MAGI1: variants seen among roughly 807,000 people sequenced by gnomAD.
MAGI1 encodes membrane-associated guanylate kinase, WW and PDZ domain-containing protein 1.
MAGI1 carries 58 observed loss-of-function variants against 139.9 expected under a neutral mutation model. That is an observed-to-expected ratio of 0.41 (90% CI 0.34 to 0.52). The LOEUF (loss-of-function observed/expected upper bound fraction) is 0.52. Ranked by LOEUF, MAGI1 falls within the 20% of genes least tolerant of loss-of-function variation. MAGI1 has a pLI of 0.12. For missense variants in MAGI1, 1,874 were observed against 1,901.6 expected, an observed-to-expected ratio of 0.99 and a Z score of 0.27; for synonymous variants, 812 against 737.9, an observed-to-expected ratio of 1.10 and a Z score of -1.63.
intron 18 of MAGI1, among the ~76,000 whole-genome samples, chr3:65,366,399 A>C (rs1941418806): frequency 6.6e-6 from 1 of 152,204 alleles, no homozygotes; most frequent in South Asian, 2.1e-4. Context: ...TTGTTAGGTG[A>C]ATCCCATTCA....
intron 2 of MAGI1, among the ~76,000 whole-genome samples, chr3:65,620,511 G>A (rs956970916): frequency 6.6e-6 from 1 of 152,174 alleles, no homozygotes; most frequent in Non-Finnish European, 1.5e-5. Flanking sequence ...AATTTTATTG[G>A]CTTCCTCATT....
chr3:65,531,527 C>A (rs2078712662), intron 2 of MAGI1, among the ~76,000 whole-genome samples: 1 of 152,084 alleles, frequency 6.6e-6, no homozygotes, highest in African/African-American at 2.4e-5. Flanking sequence ...ATACTTATTT[C>A]TAGTAATAAT....
chr3:65,950,150 C>T (rs1303454494), intron 1 of MAGI1, among the ~76,000 whole-genome samples: 1 of 121,316 alleles, frequency 8.2e-6, no homozygotes, highest in Non-Finnish European at 1.7e-5. Context: ...TACTTTACAG[C>T]TTGTCAATTT....
intron 1 of MAGI1, among the ~76,000 whole-genome samples, chr3:65,777,292 A>G (rs940447741): frequency 2.6e-5 from 4 of 152,170 alleles, no homozygotes; most frequent in Admixed American, 2.0e-4. Flanking sequence ...AGACCCTAAC[A>G]GTGCCTAATC....
At chr3:65,464,741 G>A (rs11707527) in intron 5 of MAGI1, among the ~76,000 whole-genome samples, 18,640 of 151,968 alleles carry the variant, frequency 0.12, 1,374 homozygotes, top group Middle Eastern at 0.17. Context: ...TTAAAGTGCT[G>A]TATTTAGTTC....
intron 2 of MAGI1, among the ~76,000 whole-genome samples, chr3:65,517,481 C>G (rs1335701127): frequency 6.6e-6 from 1 of 152,190 alleles, no homozygotes; most frequent in Admixed American, 6.5e-5. Flanking sequence ...TTCTGCAATG[C>G]TCAAGTTAGG....
intron 1 of MAGI1, among the ~76,000 whole-genome samples, chr3:66,011,655 T>C (rs1006391034): frequency 6.6e-6 from 1 of 151,998 alleles, no homozygotes; most frequent in African/African-American, 2.4e-5. Context: ...TGAAGAACCA[T>C]CTCAATGTCA....
At chr3:65,854,995 G>T (rs2059325453) in intron 1 of MAGI1, among the ~76,000 whole-genome samples, 1 of 152,184 alleles carries the variant, frequency 6.6e-6, no homozygotes, top group Non-Finnish European at 1.5e-5. Flanking sequence ...ACATCTGCTG[G>T]GTATTATGCA....
At chr3:65,522,255 G>C (rs974464345) in intron 2 of MAGI1, among the ~76,000 whole-genome samples, 1 of 152,186 alleles carries the variant, frequency 6.6e-6, no homozygotes, top group African/African-American at 2.4e-5. Flanking sequence ...GATATTAATT[G>C]AGAGTTTCCA....
At chr3:65,437,272 C>G in intron 9 of MAGI1, 25 bp from the exon 10 acceptor site, 1 of 1,489,344 alleles carries the variant, frequency 6.7e-7, no homozygotes, top group Non-Finnish European at 9.3e-7. Context: ...AGAAAGTTTC[C>G]TATTTTTCCT....
intron 1 of MAGI1, among the ~76,000 whole-genome samples, chr3:66,034,780 G>A (rs1487138614): frequency 2.6e-5 from 4 of 152,070 alleles, no homozygotes; most frequent in East Asian, 1.9e-4. Context: ...GCAACAAAAC[G>A]AAATCTCCAA....
intron 1 of MAGI1, among the ~76,000 whole-genome samples, chr3:65,693,618 C>A (rs2107576170): frequency 6.6e-6 from 1 of 152,336 alleles, no homozygotes; most frequent in South Asian, 2.1e-4. Flanking sequence ...CCAGGTTAGC[C>A]TCTTTGGAGA....
At chr3:65,734,517 AAG>A (rs1374533579) in intron 1 of MAGI1, among the ~76,000 whole-genome samples, 1 of 149,018 alleles carries the variant, frequency 6.7e-6, no homozygotes. Flanking sequence ...GAGAGAAAGA[AAG>A]AGAGAAAGAG....
intron 2 of MAGI1, among the ~76,000 whole-genome samples, chr3:65,523,433 G>A (rs1161405512): frequency 2.6e-5 from 4 of 151,222 alleles, no homozygotes; most frequent in Non-Finnish European, 5.9e-5. Flanking sequence ...CGAAGAGAGG[G>A]AGGCAAGGGG....
intron 1 of MAGI1, among the ~76,000 whole-genome samples, chr3:65,849,498 C>CAT (rs10611224): frequency 2.2e-4 from 31 of 141,106 alleles, no homozygotes; most frequent in Admixed American, 4.8e-4. Flanking sequence ...ATCAAATATA[C>CAT]ATATATATAT....
intron 1 of MAGI1, among the ~76,000 whole-genome samples, chr3:65,637,141 C>A (rs536400242): frequency 1.3e-5 from 2 of 152,324 alleles, no homozygotes; most frequent in East Asian, 3.9e-4. Flanking sequence ...GTGACAGTCC[C>A]ACCCAGGGGT....
chr3:65,735,596 G>A (rs372680064), intron 1 of MAGI1, among the ~76,000 whole-genome samples: 10 of 152,060 alleles, frequency 6.6e-5, no homozygotes, highest in East Asian at 5.8e-4. Context: ...CTAGGGATCC[G>A]TCCAACCCAG....
chr3:65,875,976 G>A (rs1057351798), intron 1 of MAGI1, among the ~76,000 whole-genome samples: 1 of 152,108 alleles, frequency 6.6e-6, no homozygotes, highest in Non-Finnish European at 1.5e-5. Flanking sequence ...GTAAGAGGGA[G>A]GAAACCAAGC....
At chr3:65,659,734 T>C (rs942096245) in intron 1 of MAGI1, among the ~76,000 whole-genome samples, 5 of 152,192 alleles carry the variant, frequency 3.3e-5, no homozygotes, top group African/African-American at 1.2e-4. Context: ...ATCCTTGAAT[T>C]CCTTCTTGCA....
Sources: allele counts gnomAD v4.1 joint callset (sites outside exome capture counted in the v4.1 genomes callset), GRCh38; gene constraint gnomAD v4.1.1; transcripts MANE v1.5; gene names NCBI Gene and HGNC (gene_info 2026-07-23, HGNC 2026-07-21).